ADAM9: variants seen among roughly 807,000 people sequenced by gnomAD.
ADAM9 encodes the protein ADAM metallopeptidase domain 9.
A neutral mutation model predicts 108.1 loss-of-function variants in ADAM9; 54 were observed. The ratio of observed to expected loss-of-function variants is 0.50; its 90% CI spans 0.40 to 0.63. The LOEUF is 0.63. ADAM9 is among the 20% of genes least tolerant of loss of function. The pLI is 0.00. For missense variants in ADAM9, 830 were observed against 997.7 expected, an observed-to-expected ratio of 0.83 and a Z score of 2.26; for synonymous variants, 316 against 336.0, an observed-to-expected ratio of 0.94 and a Z score of 0.65.
intron 6 of ADAM9, among the ~76,000 whole-genome samples, chr8:39,018,001 G>A (rs1227392534): frequency 6.6e-6 from 1 of 152,246 alleles, no homozygotes; most frequent in Admixed American, 6.5e-5. Context: ...GACTTCAGAT[G>A]TGTTTCAAGG....
At chr8:39,071,853 G>T (rs753265566) in intron 15 of ADAM9, among the ~76,000 whole-genome samples, 2 of 152,164 alleles carry the variant, frequency 1.3e-5, no homozygotes, top group Non-Finnish European at 2.9e-5. Context: ...ACAATGCAAA[G>T]CTTCAGAGAG....
Position 38,997,015 on chromosome 8 carries a change from G to A in ADAM9, c.-49G>A, listed in dbSNP as rs774354219. ...AGGGTTGGAAAATGATGGAAGAGGC[G>A]GAGGTGGAGGCGACCGAGTGCTGAG... On this transcript the variant is annotated 5_prime_UTR_variant, in exon 1 of 22. Coordinates refer to ENST00000487273, the MANE Select transcript of ADAM9 (RefSeq NM_003816.3). 6.3e-7 allele frequency: 1 copy of A among 1,590,828 alleles called. No individual in the cohort carries two copies. The highest frequency in any genetic ancestry group is 1.7e-5 in the Admixed American group (1 of 58,514).
chr8:39,061,217 G>A (rs1314530144), intron 14 of ADAM9, among the ~76,000 whole-genome samples: 1 of 152,194 alleles, frequency 6.6e-6, no homozygotes, highest in Non-Finnish European at 1.5e-5. Context: ...AGTTCTAGTG[G>A]GTTCCACCTG....
chr8:39,094,081 CT>C (rs1839431066), intron 20 of ADAM9, among the ~76,000 whole-genome samples: 1 of 152,172 alleles, frequency 6.6e-6, no homozygotes, highest in South Asian at 2.1e-4. Flanking sequence ...CCAGTTTGTT[CT>C]TTCTATACAA....
At chr8:39,078,991 T>C (rs1838936101) in intron 16 of ADAM9, among the ~76,000 whole-genome samples, 1 of 152,150 alleles carries the variant, frequency 6.6e-6, no homozygotes, top group East Asian at 1.9e-4. Flanking sequence ...AACATCTCAC[T>C]GTTCACTGGG....
At chr8:39,074,182 A>C (rs1838784057) in intron 15 of ADAM9, among the ~76,000 whole-genome samples, 1 of 152,210 alleles carries the variant, frequency 6.6e-6, no homozygotes, top group Non-Finnish European at 1.5e-5. Flanking sequence ...AAACATCTAG[A>C]AACATTTAAA....
intron 14 of ADAM9, among the ~76,000 whole-genome samples, chr8:39,066,364 A>G (rs1588403764): frequency 6.6e-6 from 1 of 152,238 alleles, no homozygotes; most frequent in African/African-American, 2.4e-5. Context: ...TTACAGTCCA[A>G]CCAACAGTGT....
intron 1 of ADAM9, among the ~76,000 whole-genome samples, chr8:39,004,842 A>G (rs879552609): frequency 1.3e-5 from 2 of 152,194 alleles, no homozygotes; most frequent in Non-Finnish European, 2.9e-5. Flanking sequence ...TTAGCATATA[A>G]TGAGCAGTGA....
intron 1 of ADAM9, among the ~76,000 whole-genome samples, chr8:38,997,606 G>A: frequency 6.6e-6 from 1 of 152,236 alleles, no homozygotes; most frequent in Non-Finnish European, 1.5e-5. Flanking sequence ...CGCTTGGAAA[G>A]AGACTGAGAG....
chr8:39,078,136 C>T (rs1284166292), intron 16 of ADAM9, among the ~76,000 whole-genome samples: 1 of 152,140 alleles, frequency 6.6e-6, no homozygotes, highest in Non-Finnish European at 1.5e-5. Flanking sequence ...CAAGTTACTT[C>T]ACTTTCTCCC....
chr8:39,062,080 C>T (rs1056769896), intron 14 of ADAM9, among the ~76,000 whole-genome samples: 1 of 152,272 alleles, frequency 6.6e-6, no homozygotes, highest in Admixed American at 6.5e-5. Flanking sequence ...CCACCTAACT[C>T]TGATTACCTC....
intron 16 of ADAM9, 41 bp downstream of exon 16, chr8:39,077,452 A>T (rs185977860): frequency 1.3e-6 from 2 of 1,521,408 alleles, no homozygotes; most frequent in African/African-American, 2.8e-5. Flanking sequence ...AAATGAAAAA[A>T]ATTAAAAAAA....
intron 18 of ADAM9, among the ~76,000 whole-genome samples, chr8:39,083,574 C>T (rs961397438): frequency 4.6e-5 from 7 of 152,114 alleles, no homozygotes; most frequent in South Asian, 2.1e-4. Context: ...GCTTTCATAC[C>T]GTATTATTTT....
chr8:39,017,899 A>G (rs1836594875), intron 6 of ADAM9, among the ~76,000 whole-genome samples: 1 of 152,222 alleles, frequency 6.6e-6, no homozygotes. Flanking sequence ...AGTGCAATAG[A>G]GTTTTTATTT....
At position 39,088,144 on chromosome 8, in the gene ADAM9, G is replaced by A. The variant is rs115912447; in HGVS notation, c.2069-1903G>A. On this transcript the variant is annotated intron_variant, in intron 18 of 21. Transcript: ENST00000487273. ...AGGAAGAGGAGAGGTTGGTCTCAGG[G>A]GTGGCAGAAACACAAGATAGCCTGC... Among the ~76,000 whole-genome samples the A allele has an allele frequency of 8.1e-3, 1,239 of 152,148 alleles. 18 individuals carry two copies. Among genetic ancestry groups the A allele is most frequent in the African/African-American group, 0.029 (1,184 of 41,504 alleles).
chr8:39,002,869 C>A (rs56061814), intron 1 of ADAM9, among the ~76,000 whole-genome samples: 13 of 152,050 alleles, frequency 8.5e-5, no homozygotes, highest in African/African-American at 3.1e-4. Flanking sequence ...GAGTCTCCCT[C>A]GGAGGTTGCC....
At chr8:39,070,208 A>G (rs1333800500) in intron 14 of ADAM9, among the ~76,000 whole-genome samples, 2 of 151,876 alleles carry the variant, frequency 1.3e-5, no homozygotes, top group African/African-American at 2.4e-5. Context: ...AATACTAACA[A>G]TAAATTGTGA....
At chr8:39,029,957 GT>G (rs1837047259) in intron 11 of ADAM9, among the ~76,000 whole-genome samples, 1 of 152,024 alleles carries the variant, frequency 6.6e-6, no homozygotes, top group South Asian at 2.1e-4. Flanking sequence ...CTTTTAAGCA[GT>G]TTTAGGTTCA....
chr8:39,014,757 G>T (rs1836471202), intron 4 of ADAM9: 2 of 496,620 alleles, frequency 4.0e-6, no homozygotes, highest in Non-Finnish European at 7.1e-6. Context: ...GTAATACTTT[G>T]CTATGTTGAA....
Sources: gnomAD v4.1 joint callset for allele counts (sites outside exome capture counted in the v4.1 genomes callset) on GRCh38, gnomAD v4.1.1 for gene constraint, MANE v1.5 for transcripts, NCBI Gene and HGNC (gene_info 2026-07-23, HGNC 2026-07-21) for gene names.